The following GSK3B variants were observed in gnomAD, a reference collection of about 807,000 sequenced individuals.
The protein encoded by GSK3B is glycogen synthase kinase 3 beta, also known as glycogen synthase kinase-3 beta.
Under a neutral mutation model 56.4 loss-of-function variants are expected in GSK3B, and 15 were observed. The ratio of observed to expected loss-of-function variants is 0.27; its 90% CI spans 0.18 to 0.41. The LOEUF (loss-of-function observed/expected upper bound fraction) is 0.41, where lower values mean the gene tolerates loss of function less well. GSK3B is among the 10% of genes least tolerant of loss of function. GSK3B has a pLI of 1.00. For synonymous variants in GSK3B, 181 were observed against 188.9 expected (o/e 0.96, Z 0.34); for missense variants, 300 against 513.4 (o/e 0.58, Z 4.02).
chr3:120,075,369 G>C (rs1232951093), intron 1 of GSK3B, among the ~76,000 whole-genome samples: 1 of 152,054 alleles, frequency 6.6e-6, no homozygotes, highest in Non-Finnish European at 1.5e-5. Flanking sequence ...AATACTAGAA[G>C]TGCTGGAAGA....
rs2055430830 is a variant in GSK3B at position 119,822,683 on chromosome 3, T to C, written c.*4105A>G. 3.9e-5 allele frequency: 9 copies of C among 229,038 alleles called. No homozygotes were observed. Among genetic ancestry groups the C allele is most frequent in the Admixed American group, 3.4e-4 (6 of 17,636 alleles). The allele number at this position is 229,038 out of a possible 1,614,324, so 14.2% of individuals were successfully genotyped here. On this transcript the variant is annotated 3_prime_UTR_variant, in exon 11 of 11. Transcript: ENST00000264235. ...TTTTATTTTCAGTGGCTCAGGTTTC[T>C]ACCAGAAAAGACAGATTTTATTGTA...
rs183976349 is a variant in GSK3B at position 120,029,523 on chromosome 3, G to A, written c.89-27284C>T. The A allele has an allele frequency of 1.1e-4, 69 of 628,032 alleles. No homozygotes were observed. The East Asian group carries it at 2.1e-3, about 19-fold the overall frequency. 38.9% of individuals were successfully genotyped at this position (628,032 alleles called of 1,614,324 possible). A position where few individuals can be genotyped will look rare whatever the true frequency, so the allele number is the denominator to read the frequency against. ...TTGTGTCAGTTATGTGTGTAAAGTT[G>A]CCACAGGAAGATAGGGACCATCACT... On this transcript the variant is annotated intron_variant, in intron 1 of 10. Transcript: ENST00000264235.
At chr3:120,051,096 C>CT (rs1424769991) in intron 1 of GSK3B, among the ~76,000 whole-genome samples, 6 of 147,414 alleles carry the variant, frequency 4.1e-5, no homozygotes, top group Non-Finnish European at 8.9e-5. Flanking sequence ...CTAGTAGGGT[C>CT]TAGGACACTC....
chr3:120,000,274 T>C (rs1430483569), intron 2 of GSK3B, among the ~76,000 whole-genome samples: 3 of 152,184 alleles, frequency 2.0e-5, no homozygotes, highest in South Asian at 2.1e-4. Flanking sequence ...GCAGGAGAGA[T>C]TTCCATTGAG....
chr3:119,825,328 C>T lies in GSK3B; in HGVS notation c.*1460G>A, dbSNP rs1439569128. 4 of 229,896 alleles carry T rather than the reference C, an allele frequency of 1.7e-5. No individual in the cohort carries two copies. The highest frequency in any genetic ancestry group is 2.6e-5 in the Non-Finnish European group (3 of 116,126). The allele number at this position is 229,896 out of a possible 1,614,324, so 14.2% of individuals were successfully genotyped here. A position where few individuals can be genotyped will look rare whatever the true frequency, so the allele number is the denominator to read the frequency against. ...ATAGTCCTTCAATTCTCCTTGCTTTCCAAGGAATATTGCTTTTTCTTCAAA... is the reference window on the plus strand; with the variant it reads ...ATAGTCCTTCAATTCTCCTTGCTTTTCAAGGAATATTGCTTTTTCTTCAAA... On this transcript the variant is annotated 3_prime_UTR_variant, in exon 11 of 11. Coordinates refer to ENST00000264235, the MANE Select transcript of GSK3B (RefSeq NM_001146156.2).
At chr3:119,900,614 C>G (rs1462824000) in intron 7 of GSK3B, among the ~76,000 whole-genome samples, 1 of 152,084 alleles carries the variant, frequency 6.6e-6, no homozygotes, top group Non-Finnish European at 1.5e-5. Context: ...TGGGGGACAC[C>G]TGTCATTTAT....
At chr3:119,828,098 T>G (rs544178994) in intron 10 of GSK3B, among the ~76,000 whole-genome samples, 3 of 152,306 alleles carry the variant, frequency 2.0e-5, no homozygotes, top group South Asian at 4.1e-4. Flanking sequence ...ACACCTACTA[T>G]GTCCCCACAA....
intron 1 of GSK3B, among the ~76,000 whole-genome samples, chr3:120,084,014 T>C (rs1250299913): frequency 6.6e-6 from 1 of 152,182 alleles, no homozygotes; most frequent in East Asian, 1.9e-4. Flanking sequence ...GTATAAGCTT[T>C]ATCTCTGAAA....
At chr3:120,033,621 C>T (rs527589392) in intron 1 of GSK3B, among the ~76,000 whole-genome samples, 20 of 152,286 alleles carry the variant, frequency 1.3e-4, no homozygotes, top group African/African-American at 4.3e-4. Flanking sequence ...GTGTCCCCAC[C>T]CAAATCTCAT....
In GSK3B at chr3:119,855,766, G is replaced by A. The variant is rs191196220; in HGVS notation, c.1096+7653C>T. Among the ~76,000 whole-genome samples, 47 of 152,198 alleles carry A rather than the reference G, an allele frequency of 3.1e-4. No individual in the cohort carries two copies. The Middle Eastern group carries it at 0.01, about 33-fold the overall frequency. On this transcript the variant is annotated intron_variant, in intron 9 of 10. Transcript: ENST00000264235. ...ACACTGCATGTTCTCACTCACAGAT[G>A]GGAATTGACCAATGAGAACACTTGG...
rs376755037 is a variant in GSK3B at position 119,863,628 on chromosome 3, G to T, written c.910-23C>A. 10 of 1,474,198 alleles carry T rather than the reference G, an allele frequency of 6.8e-6. No individual in the cohort carries two copies. The African/African-American group carries it at 1.2e-4, about 18-fold the overall frequency. 91.3% of individuals were successfully genotyped at this position (1,474,198 alleles called of 1,614,324 possible). On this transcript the variant is annotated intron_variant, in intron 8 of 10. Coordinates refer to ENST00000264235, the MANE Select transcript of GSK3B (RefSeq NM_001146156.2). ...GACCTGCAGTACAAAAAAAGGGAAA[G>T]AACAATTAATGTTTTATTTTAAGAA...
intron 7 of GSK3B, among the ~76,000 whole-genome samples, chr3:119,883,217 C>G (rs1214783063): frequency 6.6e-6 from 1 of 152,054 alleles, no homozygotes; most frequent in African/African-American, 2.4e-5. Context: ...GGGTGGCTGA[C>G]AGTGGGATTT....
intron 1 of GSK3B, among the ~76,000 whole-genome samples, chr3:120,019,355 T>C (rs1180897013): frequency 7.2e-5 from 11 of 152,198 alleles, no homozygotes; most frequent in Admixed American, 7.2e-4. Context: ...CAAAACCACT[T>C]ACTGACCAGC....
At chr3:120,071,919 T>C (rs1158149080) in intron 1 of GSK3B, among the ~76,000 whole-genome samples, 1 of 152,154 alleles carries the variant, frequency 6.6e-6, no homozygotes, top group Non-Finnish European at 1.5e-5. Context: ...TATTAATACA[T>C]GAAACACAGG....
intron 10 of GSK3B, among the ~76,000 whole-genome samples, chr3:119,827,835 C>A (rs1052241733): frequency 4.3e-5 from 6 of 138,698 alleles, no homozygotes; most frequent in Non-Finnish European, 6.1e-5. Flanking sequence ...GGAAGGGTAG[C>A]GGGGGTGGGG....
chr3:120,086,207 A>C (rs962206204), intron 1 of GSK3B, among the ~76,000 whole-genome samples: 6 of 152,128 alleles, frequency 3.9e-5, no homozygotes, highest in Non-Finnish European at 7.4e-5. Flanking sequence ...AAAAAAAAAA[A>C]ACAGAAATAG....
chr3:119,979,730 T>C (rs1019514203), intron 2 of GSK3B, among the ~76,000 whole-genome samples: 5 of 152,204 alleles, frequency 3.3e-5, no homozygotes, highest in African/African-American at 9.6e-5. Context: ...TCTTGGTGCA[T>C]ATGTAAAAAA....
chr3:119,877,618 T>C (rs1029957475), intron 7 of GSK3B, among the ~76,000 whole-genome samples: 1 of 152,156 alleles, frequency 6.6e-6, no homozygotes, highest in African/African-American at 2.4e-5. Flanking sequence ...ATTCATTCAG[T>C]CGTTGAATAG....
chr3:119,922,093 T>C (rs1480986540), intron 4 of GSK3B, among the ~76,000 whole-genome samples: 5 of 151,294 alleles, frequency 3.3e-5, no homozygotes, highest in African/African-American at 7.3e-5. Flanking sequence ...GCCGAGATTG[T>C]GCCACTGCAC....
Sources: gnomAD v4.1 joint callset for allele counts (sites outside exome capture counted in the v4.1 genomes callset) on GRCh38, gnomAD v4.1.1 for gene constraint, MANE v1.5 for transcripts, NCBI Gene and HGNC (gene_info 2026-07-23, HGNC 2026-07-21) for gene names.